PPM1D: variants seen among roughly 807,000 people sequenced by gnomAD.
PPM1D encodes the protein protein phosphatase, Mg2+/Mn2+ dependent 1D.
A neutral mutation model predicts 58.3 loss-of-function variants in PPM1D; 52 were observed. The observed-to-expected ratio is 0.89, with a 90% CI of 0.71 to 1.12. PPM1D has a LOEUF of 1.12. Among genes scored for constraint, PPM1D ranks in the 50% most tolerant of loss-of-function variants. The pLI is 0.00. For synonymous variants in PPM1D, 278 were observed against 285.1 expected (o/e 0.98, Z 0.25); for missense variants, 564 against 777.2 (o/e 0.73, Z 3.26).
intron 3 of PPM1D, among the ~76,000 whole-genome samples, chr17:60,646,463 C>A (rs573667487): frequency 6.6e-6 from 1 of 152,134 alleles, no homozygotes; most frequent in African/African-American, 2.4e-5. Flanking sequence ...AATTGTTTAA[C>A]CTCTTGTCTG....
chr17:60,647,302 TGTTA>T (rs1325600001), intron 3 of PPM1D, among the ~76,000 whole-genome samples: 3 of 152,350 alleles, frequency 2.0e-5, no homozygotes, highest in Non-Finnish European at 4.4e-5. Flanking sequence ...GTATACCGTT[TGTTA>T]AAGTTGTTCC....
chr17:60,628,260 A>T (rs749190489), intron 2 of PPM1D, among the ~76,000 whole-genome samples: 1 of 152,180 alleles, frequency 6.6e-6, no homozygotes, highest in African/African-American at 2.4e-5. Context: ...CAGAATTCTC[A>T]TATATACTTT....
Position 60,600,756 on chromosome 17 carries a change from G to A in PPM1D, c.342G>A (p.Gln114=), listed in dbSNP as rs777169962. Residue 114 remains glutamine, a synonymous_variant, in exon 1 of 6, where the codon CAG becomes CAA. Coordinates refer to ENST00000305921, the MANE Select transcript of PPM1D (RefSeq NM_003620.4). ...GGCACGGCGGGCGGGAGGCGGCACA[G>A]TTTGCCCGGGAGCACTTGTGGGGTT... ...CDGHGGREAA[Q]FAREHLWGFI... is the part of the protein sequence containing the mutation. 3 of 1,612,234 alleles carry A rather than the reference G, an allele frequency of 1.9e-6. No homozygotes were observed. Among genetic ancestry groups the A allele is most frequent in the Non-Finnish European group, 2.5e-6 (3 of 1,179,786 alleles).
At chr17:60,617,935 A>G (rs944544198) in intron 1 of PPM1D, among the ~76,000 whole-genome samples, 8 of 152,132 alleles carry the variant, frequency 5.3e-5, no homozygotes, top group Admixed American at 5.2e-4. Context: ...CTAAAAAACT[A>G]CCTTCCTGAC....
At chr17:60,649,860 G>A (rs181559107) in intron 4 of PPM1D, among the ~76,000 whole-genome samples, 445 of 152,272 alleles carry the variant, frequency 2.9e-3, no homozygotes, top group Non-Finnish European at 4.8e-3. Context: ...TTTAAGGTGA[G>A]AGTCATCTTG....
At chr17:60,635,557 C>G (rs1278794239) in intron 3 of PPM1D, among the ~76,000 whole-genome samples, 2 of 152,148 alleles carry the variant, frequency 1.3e-5, no homozygotes, top group Non-Finnish European at 2.9e-5. Context: ...ATTTCTGGGT[C>G]ATAGTATGTT....
At chr17:60,662,153 T>C (rs1274904071) in intron 5 of PPM1D, among the ~76,000 whole-genome samples, 1 of 152,048 alleles carries the variant, frequency 6.6e-6, no homozygotes, top group Non-Finnish European at 1.5e-5. Context: ...CACACCACCA[T>C]GCCTGGCTAA....
chr17:60,646,735 A>G (rs1598410678), intron 3 of PPM1D, among the ~76,000 whole-genome samples: 1 of 152,068 alleles, frequency 6.6e-6, no homozygotes, highest in African/African-American at 2.4e-5. Context: ...TCTCTTGAAC[A>G]TTTTGATGTT....
intron 5 of PPM1D, among the ~76,000 whole-genome samples, chr17:60,661,273 C>T (rs574110130): frequency 1.1e-3 from 169 of 147,026 alleles, no homozygotes; most frequent in African/African-American, 4.0e-3. Context: ...GATTTTATTT[C>T]GGAGAAAGAT....
At chr17:60,630,456 T>G (rs916595695) in intron 2 of PPM1D, among the ~76,000 whole-genome samples, 1 of 152,204 alleles carries the variant, frequency 6.6e-6, no homozygotes, top group East Asian at 1.9e-4. Context: ...TGAGCTATTT[T>G]ATTATAAGTT....
In PPM1D at chr17:60,600,453, C is replaced by A; in HGVS notation, c.39C>A (p.Ser13=). 6.4e-7 allele frequency: 1 copy of A among 1,566,134 alleles called. No homozygotes were observed. Among genetic ancestry groups the A allele is most frequent in the Non-Finnish European group, 8.7e-7 (1 of 1,155,364 alleles). Residue 13 remains serine (S), a synonymous_variant, in exon 1 of 6, where the codon TCC becomes TCA. Coordinates refer to ENST00000305921, the MANE Select transcript of PPM1D (RefSeq NM_003620.4). The part of the protein sequence containing the change: ...GLYSLGVSVF[S]DQGGRKYMED... The stretch of plus-strand genomic sequence containing the variant: ...ACTCGCTGGGAGTGAGCGTCTTCTC[C>A]GACCAGGGCGGGAGGAAGTACATGG...
intron 1 of PPM1D, among the ~76,000 whole-genome samples, chr17:60,619,036 C>T (rs567469754): frequency 6.6e-6 from 1 of 152,254 alleles, no homozygotes; most frequent in South Asian, 2.1e-4. Context: ...CCAACATCTC[C>T]CCACTTCTCC....
At chr17:60,660,268 G>A (rs938328874) in intron 5 of PPM1D, among the ~76,000 whole-genome samples, 10 of 151,796 alleles carry the variant, frequency 6.6e-5, no homozygotes, top group Non-Finnish European at 1.2e-4. Context: ...CCCAGGAGGC[G>A]GAGGTTGCAT....
chr17:60,601,134 G>A (rs1482779969), intron 1 of PPM1D, among the ~76,000 whole-genome samples: 1 of 152,184 alleles, frequency 6.6e-6, no homozygotes, highest in Non-Finnish European at 1.5e-5. Flanking sequence ...AGGATCAATG[G>A]GAAGCAGTCC....
At chr17:60,653,549 G>T (rs985518709) in intron 4 of PPM1D, among the ~76,000 whole-genome samples, 1 of 152,102 alleles carries the variant, frequency 6.6e-6, no homozygotes. Flanking sequence ...TGAATTCTGA[G>T]CTTAAAGAAA....
chr17:60,655,502 C>T (rs892204581), intron 4 of PPM1D, among the ~76,000 whole-genome samples: 4 of 151,610 alleles, frequency 2.6e-5, no homozygotes, highest in African/African-American at 9.7e-5. Context: ...GCACACACCA[C>T]CATGCCTGAC....
At chr17:60,621,380 G>GTTTT (rs200279985) in intron 1 of PPM1D, among the ~76,000 whole-genome samples, 3 of 147,398 alleles carry the variant, frequency 2.0e-5, no homozygotes, top group African/African-American at 8.0e-5. Context: ...CTACCTCAGA[G>GTTTT]TTTTGTTTGT....
chr17:60,634,187 G>A (rs1050756442), intron 3 of PPM1D, among the ~76,000 whole-genome samples: 1 of 152,146 alleles, frequency 6.6e-6, no homozygotes, highest in Non-Finnish European at 1.5e-5. Flanking sequence ...GAGGTGGGCG[G>A]ATCTCTTGAG....
intron 3 of PPM1D, among the ~76,000 whole-genome samples, chr17:60,646,011 A>G (rs1247726396): frequency 6.6e-6 from 1 of 152,006 alleles, no homozygotes; most frequent in Non-Finnish European, 1.5e-5. Context: ...CTGTTGGTAT[A>G]CACCTATAGT....
Sources: allele counts gnomAD v4.1 joint callset (sites outside exome capture counted in the v4.1 genomes callset), GRCh38; gene constraint gnomAD v4.1.1; transcripts MANE v1.5; gene names NCBI Gene and HGNC (gene_info 2026-07-23, HGNC 2026-07-21).